Variants in FHOD3 observed in about 807,000 individuals in gnomAD.
The protein encoded by FHOD3 is FH1/FH2 domain-containing protein 3.
A neutral mutation model predicts 173.0 loss-of-function variants in FHOD3; 90 were observed. That is an observed-to-expected ratio of 0.52 (90% CI 0.44 to 0.62). The LOEUF (loss-of-function observed/expected upper bound fraction) is 0.62, where lower values mean the gene tolerates loss of function less well. Among genes scored for constraint, FHOD3 ranks in the 20% least tolerant of loss-of-function variants. The pLI, the probability that FHOD3 is intolerant of heterozygous loss-of-function variation, is 0.00. For missense variants in FHOD3, 1,945 were observed against 2,034.7 expected, an observed-to-expected ratio of 0.96 and a Z score of 0.85; for synonymous variants, 828 against 823.0, an observed-to-expected ratio of 1.01 and a Z score of -0.10.
chr18:36,656,991 A>G lies in FHOD3; in HGVS notation c.1722-1084A>G, dbSNP rs571902121. On this transcript the variant is annotated intron_variant, in intron 13 of 28. Coordinates refer to ENST00000590592, the MANE Select transcript of FHOD3 (RefSeq NM_001281740.3). The stretch of plus-strand genomic sequence containing the variant: ...TGACATTTTCAGTATATAAATAACT[A>G]TAAGGTTATTTCCTTATGTTATCTT... Among the ~76,000 whole-genome samples, 6 of 152,372 alleles carry G rather than the reference A, an allele frequency of 3.9e-5. No homozygotes were observed. The South Asian group carries it at 1.0e-3, about 26-fold the overall frequency.
intron 24 of FHOD3, among the ~76,000 whole-genome samples, chr18:36,751,249 T>A (rs1400471615): frequency 6.6e-6 from 1 of 152,190 alleles, no homozygotes; most frequent in Non-Finnish European, 1.5e-5. Flanking sequence ...CAACTGTGAA[T>A]GAGATTGCCT....
intron 3 of FHOD3, among the ~76,000 whole-genome samples, chr18:36,458,224 T>TGAAG (rs1158137860): frequency 4.0e-5 from 6 of 151,812 alleles, no homozygotes; most frequent in East Asian, 1.9e-4. Flanking sequence ...CTCTGGTTGG[T>TGAAG]GAAGGAAGGA....
intron 18 of FHOD3, among the ~76,000 whole-genome samples, chr18:36,716,089 A>G (rs1235641635): frequency 6.6e-6 from 1 of 152,240 alleles, no homozygotes; most frequent in African/African-American, 2.4e-5. Flanking sequence ...CTTTTCTCAC[A>G]GTGAACGTTG....
chr18:36,360,295 G>A (rs1390117235), intron 2 of FHOD3, among the ~76,000 whole-genome samples: 1 of 152,202 alleles, frequency 6.6e-6, no homozygotes, highest in Non-Finnish European at 1.5e-5. Context: ...GGCTGGACAT[G>A]GCATACACAT....
rs558636523 is a variant in FHOD3 at position 36,757,975 on chromosome 18, C to T, written c.4426-1143C>T. ...GTAATCCTGGGTGAGACCCTTAACC[C>T]TTCTCAATGCCAGCTTCCTCTTCTA... is the stretch of plus-strand genomic sequence containing the variant. On this transcript the variant is annotated intron_variant, in intron 25 of 28. Transcript: ENST00000590592. Among the ~76,000 whole-genome samples, 9 of 152,326 alleles carry T rather than the reference C, an allele frequency of 5.9e-5. 1 individual carries two copies. The East Asian group carries it at 1.5e-3, about 26-fold the overall frequency.
intron 5 of FHOD3, among the ~76,000 whole-genome samples, chr18:36,518,227 C>G (rs1264109906): frequency 1.3e-5 from 2 of 152,220 alleles, no homozygotes; most frequent in Non-Finnish European, 2.9e-5. Context: ...AAGGTTAGGT[C>G]TTTGGCTACT....
chr18:36,524,721 G>T (rs2056434679), intron 5 of FHOD3, among the ~76,000 whole-genome samples: 1 of 152,134 alleles, frequency 6.6e-6, no homozygotes, highest in Admixed American at 6.5e-5. Context: ...TCTTAATCTG[G>T]AGGATTGAAT....
intron 3 of FHOD3, among the ~76,000 whole-genome samples, chr18:36,388,848 A>G (rs140623044): frequency 1.4e-3 from 207 of 152,344 alleles, no homozygotes; most frequent in Middle Eastern, 6.8e-3. Flanking sequence ...TTTTGCCTAT[A>G]AATGTGGTAT....
At chr18:36,579,410 G>C (rs1436825272) in intron 6 of FHOD3, among the ~76,000 whole-genome samples, 2 of 152,184 alleles carry the variant, frequency 1.3e-5, no homozygotes, top group African/African-American at 4.8e-5. Flanking sequence ...ACAGAGAATA[G>C]AGTGAGGGCA....
Position 36,467,523 on chromosome 18 carries a change from G to A in FHOD3, c.338-34409G>A, listed in dbSNP as rs560154681. ...AGAGATTGGTCTAGCCTGCGCCAGCGTCACTCCAGGAGGGTGCTGTGAGGG... is the reference window on the plus strand; with the variant it reads ...AGAGATTGGTCTAGCCTGCGCCAGCATCACTCCAGGAGGGTGCTGTGAGGG... On this transcript the variant is annotated intron_variant, in intron 3 of 28. Transcript: ENST00000590592. Among the ~76,000 whole-genome samples the A allele has an allele frequency of 7.1e-4, 108 of 152,192 alleles. 1 individual carries two copies. The highest frequency in any genetic ancestry group is 1.3e-3 in the Non-Finnish European group (89 of 68,006).
At chr18:36,359,686 A>G (rs1031597640) in intron 2 of FHOD3, among the ~76,000 whole-genome samples, 3 of 152,186 alleles carry the variant, frequency 2.0e-5, no homozygotes, top group Non-Finnish European at 4.4e-5. Context: ...GCAGTGTAGC[A>G]TAATGGTTAG....
chr18:36,671,924 A>T (rs774869164), intron 14 of FHOD3, among the ~76,000 whole-genome samples: 11 of 152,206 alleles, frequency 7.2e-5, no homozygotes, highest in Non-Finnish European at 1.2e-4. Context: ...TGCCGAAAGG[A>T]CACATCCAGG....
At chr18:36,523,328 C>T (rs1414960415) in intron 5 of FHOD3, among the ~76,000 whole-genome samples, 3 of 152,094 alleles carry the variant, frequency 2.0e-5, no homozygotes, top group Non-Finnish European at 4.4e-5. Context: ...TTAAAAGCAA[C>T]GAGCAGGAGT....
chr18:36,309,483 G>A (rs1267660925), intron 1 of FHOD3, among the ~76,000 whole-genome samples: 1 of 152,222 alleles, frequency 6.6e-6, no homozygotes, highest in Non-Finnish European at 1.5e-5. Context: ...TATTTCAGGT[G>A]ATGGTGCTCA....
At chr18:36,768,092 G>A (rs1407038999) in intron 27 of FHOD3, among the ~76,000 whole-genome samples, 4 of 152,196 alleles carry the variant, frequency 2.6e-5, no homozygotes, top group Admixed American at 6.5e-5. Flanking sequence ...CATAGGCAAT[G>A]ATTCTGATAA....
intron 5 of FHOD3, among the ~76,000 whole-genome samples, chr18:36,545,763 T>G (rs1315191737): frequency 6.6e-6 from 1 of 152,228 alleles, no homozygotes; most frequent in Non-Finnish European, 1.5e-5. Flanking sequence ...TTGATTTCCA[T>G]TAAGTAGGAA....
intron 3 of FHOD3, among the ~76,000 whole-genome samples, chr18:36,463,440 T>A (rs1268066939): frequency 1.4e-3 from 3 of 2,090 alleles, no homozygotes; most frequent in Admixed American, 6.9e-3. Flanking sequence ...ATTTAAAAAA[T>A]ATATTTTTTA....
At chr18:36,617,869 C>G (rs368484723) in intron 9 of FHOD3, among the ~76,000 whole-genome samples, 10 of 152,182 alleles carry the variant, frequency 6.6e-5, no homozygotes, top group African/African-American at 1.7e-4. Context: ...TCTGTTTAAA[C>G]TTCCTATTGT....
intron 9 of FHOD3, among the ~76,000 whole-genome samples, chr18:36,615,116 T>C (rs2033080316): frequency 6.6e-6 from 1 of 152,078 alleles, no homozygotes; most frequent in Non-Finnish European, 1.5e-5. Flanking sequence ...TCCCAAAGTG[T>C]TGGGATTAAG....
Sources: gnomAD v4.1 joint callset for allele counts (sites outside exome capture counted in the v4.1 genomes callset) on GRCh38, gnomAD v4.1.1 for gene constraint, MANE v1.5 for transcripts, NCBI Gene and HGNC (gene_info 2026-07-23, HGNC 2026-07-21) for gene names.